PPP4R3A: variants seen among roughly 807,000 people sequenced by gnomAD.
The protein encoded by PPP4R3A is serine/threonine-protein phosphatase 4 regulatory subunit 3A.
A neutral mutation model predicts 91.7 loss-of-function variants in PPP4R3A; 15 were observed. The ratio of observed to expected loss-of-function variants is 0.16; its 90% CI spans 0.11 to 0.25. The LOEUF (loss-of-function observed/expected upper bound fraction) is 0.25. PPP4R3A is among the 10% of genes least tolerant of loss of function. PPP4R3A has a pLI of 1.00. For synonymous variants in PPP4R3A, 377 were observed against 348.7 expected, an observed-to-expected ratio of 1.08 and a Z score of -0.91; for missense variants, 623 against 998.4, an observed-to-expected ratio of 0.62 and a Z score of 5.07.
In PPP4R3A at chr14:91,481,564, G is replaced by A; in HGVS notation, c.915+12C>T. ...TCTCTTGAAATATGAAAAAAGGAAT[G>A]ATCTAACTCACCTGCAACATGCCAA... On this transcript the variant is annotated intron_variant, in intron 4 of 14. Coordinates refer to ENST00000554943, the MANE Select transcript of PPP4R3A (RefSeq NM_001366432.2). The A allele has an allele frequency of 1.3e-6, 2 of 1,529,026 alleles. No homozygotes were observed. Among genetic ancestry groups the A allele is most frequent in the Non-Finnish European group, 1.7e-6 (2 of 1,143,844 alleles). 94.7% of individuals were successfully genotyped at this position (1,529,026 alleles called of 1,614,324 possible).
intron 1 of PPP4R3A, among the ~76,000 whole-genome samples, chr14:91,494,011 G>A (rs549891501): frequency 2.0e-5 from 3 of 150,842 alleles, no homozygotes; most frequent in East Asian, 1.9e-4. Flanking sequence ...TAATCTGCCC[G>A]CCTCGGCAGG....
At chr14:91,507,390 T>A (rs1393816330) in intron 1 of PPP4R3A, among the ~76,000 whole-genome samples, 1 of 52,612 alleles carries the variant, frequency 1.9e-5, no homozygotes, top group Non-Finnish European at 4.7e-5. Context: ...TACTATATAG[T>A]ATATGTACTA....
At position 91,509,573 on chromosome 14, in the gene PPP4R3A, C is replaced by G. The variant is rs971319097; in HGVS notation, c.75G>C (p.Gly25=). 2.4e-5 allele frequency: 38 copies of G among 1,602,198 alleles called. No homozygotes were observed. The highest frequency in any genetic ancestry group is 4.0e-5 in the African/African-American group (3 of 74,882). ...EDRQWDDRGT[G]HVSSGYVERL... ...GCTCCACGTAGCCAGACGACACATG[C>G]CCGGTGCCCCGGTCGTCCCACTGCC... Residue 25 remains glycine, a synonymous_variant, in exon 1 of 15, where the codon GGG becomes GGC. Transcript: ENST00000554943.
rs747223040 is a variant in PPP4R3A at position 91,457,916 on chromosome 14, A to ATACC, written c.*839_*842dup. On this transcript the variant is annotated 3_prime_UTR_variant, in exon 15 of 15. Transcript: ENST00000554943. ...TACTTTGCTTTTGTCAATAAAAACT[A>ATACC]TACCATCTTTCATAAAACTCTAAAC... is the stretch of plus-strand genomic sequence containing the variant. 43 of 152,624 alleles carry ATACC rather than the reference A, an allele frequency of 2.8e-4. No homozygotes were observed. Among genetic ancestry groups the ATACC allele is most frequent in the Non-Finnish European group, 3.8e-4 (26 of 68,020 alleles). The allele number at this position is 152,624 out of a possible 1,614,324, so 9.5% of individuals were successfully genotyped here. A position where few individuals can be genotyped will look rare whatever the true frequency, so the allele number is the denominator to read the frequency against.
Position 91,501,634 on chromosome 14 carries a change from G to T in PPP4R3A, c.142+7872C>A, listed in dbSNP as rs570621740. ...TCACTGCACTCCAGCCTGGACAAAA[G>T]AGTGAGATCCCGCCTCAAAAAAAGA... On this transcript the variant is annotated intron_variant, in intron 1 of 14. Coordinates refer to ENST00000554943, the MANE Select transcript of PPP4R3A (RefSeq NM_001366432.2). Among the ~76,000 whole-genome samples, 3 of 151,848 alleles carry T rather than the reference G, an allele frequency of 2.0e-5. No homozygotes were observed. The East Asian group carries it at 5.8e-4, about 29-fold the overall frequency.
At chr14:91,504,637 C>T (rs1239034804) in intron 1 of PPP4R3A, among the ~76,000 whole-genome samples, 1 of 151,710 alleles carries the variant, frequency 6.6e-6, no homozygotes, top group Non-Finnish European at 1.5e-5. Context: ...ACAAAAGGGA[C>T]GTGTTCTTAC....
intron 14 of PPP4R3A, among the ~76,000 whole-genome samples, chr14:91,460,156 C>A (rs912083926): frequency 3.9e-5 from 6 of 152,004 alleles, no homozygotes; most frequent in African/African-American, 1.4e-4. Flanking sequence ...AGACTACAGG[C>A]GCCCGCCACC....
rs138901512 is a variant in PPP4R3A, at chr14:91,495,668, A to G, written c.143-4866T>C. ...TGAATTGTACATTTTGAATTGGTGA[A>G]TTATATAGTATGTAAATACTGTTAA... On this transcript the variant is annotated intron_variant, in intron 1 of 14. Coordinates refer to ENST00000554943, the MANE Select transcript of PPP4R3A (RefSeq NM_001366432.2). Among the ~76,000 whole-genome samples the G allele has an allele frequency of 4.9e-4, 74 of 152,098 alleles. No individual in the cohort carries two copies. In the East Asian group the frequency reaches 0.011, roughly 23 times the overall value.
intron 1 of PPP4R3A, among the ~76,000 whole-genome samples, chr14:91,499,820 CAA>C (rs3993928): frequency 0.17 from 20,904 of 120,022 alleles, 1,720 homozygotes; most frequent in Non-Finnish European, 0.24. Context: ...GACTCCACCT[CAA>C]AAAAAAAAAA....
chr14:91,459,075 G>A (rs534983695), intron 14 of PPP4R3A, among the ~76,000 whole-genome samples: 9 of 152,020 alleles, frequency 5.9e-5, no homozygotes, highest in Middle Eastern at 3.4e-3. Flanking sequence ...TTTACAATAA[G>A]GGAAAACTTT....
At chr14:91,509,476 G>A (rs772981656) in intron 1 of PPP4R3A, 30 bp downstream of exon 1, 6 of 1,563,736 alleles carry the variant, frequency 3.8e-6, no homozygotes, top group South Asian at 1.2e-5. Flanking sequence ...TGGGGGCTGC[G>A]AGGGTCCCGC....
chr14:91,486,761 AAT>A (rs1005465502), intron 2 of PPP4R3A, among the ~76,000 whole-genome samples: 2 of 151,648 alleles, frequency 1.3e-5, no homozygotes, highest in African/African-American at 4.8e-5. Context: ...AAAATACAAA[AAT>A]TAGCCGGGCA....
Position 91,481,558 on chromosome 14 carries a change from A to G in PPP4R3A, c.915+18T>C. The G allele has an allele frequency of 6.6e-7, 1 of 1,514,716 alleles. No individual in the cohort carries two copies. Among genetic ancestry groups the G allele is most frequent in the Non-Finnish European group, 8.8e-7 (1 of 1,136,644 alleles). The allele number at this position is 1,514,716 out of a possible 1,614,324, so 93.8% of individuals were successfully genotyped here. ...GCTGCATCTCTTGAAATATGAAAAAAGGAATGATCTAACTCACCTGCAACA... is the reference window on the plus strand; with the variant it reads ...GCTGCATCTCTTGAAATATGAAAAAGGGAATGATCTAACTCACCTGCAACA... On this transcript the variant is annotated intron_variant, in intron 4 of 14. Transcript: ENST00000554943.
intron 1 of PPP4R3A, among the ~76,000 whole-genome samples, chr14:91,505,599 CTTGAAAAGTG>C (rs1366331160): frequency 6.6e-6 from 1 of 152,058 alleles, no homozygotes. Flanking sequence ...ACAATAAATA[CTTGAAAAGTG>C]TTAAGAATCA....
intron 14 of PPP4R3A, among the ~76,000 whole-genome samples, chr14:91,460,060 G>A (rs1183503216): frequency 1.3e-5 from 2 of 151,938 alleles, no homozygotes; most frequent in Non-Finnish European, 2.9e-5. Context: ...CGCCCAGGCT[G>A]GAGTGCAGTG....
intron 1 of PPP4R3A, among the ~76,000 whole-genome samples, chr14:91,504,278 T>C (rs1207596307): frequency 6.7e-6 from 1 of 148,684 alleles, no homozygotes; most frequent in African/African-American, 2.5e-5. Context: ...CAGTGAGCTA[T>C]GATCCTGCCA....
intron 10 of PPP4R3A, among the ~76,000 whole-genome samples, chr14:91,465,621 T>C (rs908070354): frequency 6.6e-6 from 1 of 152,182 alleles, no homozygotes; most frequent in South Asian, 2.1e-4. Context: ...AAAAGTAGTA[T>C]ATGTCATCAT....
chr14:91,469,172 T>C (rs997195503), intron 10 of PPP4R3A, among the ~76,000 whole-genome samples: 1 of 144,276 alleles, frequency 6.9e-6, no homozygotes, highest in African/African-American at 2.6e-5. Flanking sequence ...AGGATATAAA[T>C]AACTCCCACA....
In PPP4R3A at chr14:91,458,679, C is replaced by G. The variant is rs1887920008; in HGVS notation, c.*80G>C. ...CAGTCATTCACAAGAGACCACTGCGCTTTGTTGTGGATTTTGTATGGGGGA... is the reference window on the plus strand; with the variant it reads ...CAGTCATTCACAAGAGACCACTGCGGTTTGTTGTGGATTTTGTATGGGGGA... On this transcript the variant is annotated 3_prime_UTR_variant, in exon 15 of 15. Coordinates refer to ENST00000554943, the MANE Select transcript of PPP4R3A (RefSeq NM_001366432.2). The G allele has an allele frequency of 6.2e-7, 1 of 1,605,194 alleles. No homozygotes were observed. The highest frequency in any genetic ancestry group is 8.5e-7 in the Non-Finnish European group (1 of 1,172,552).
Sources: gnomAD v4.1 joint callset for allele counts (sites outside exome capture counted in the v4.1 genomes callset) on GRCh38, gnomAD v4.1.1 for gene constraint, MANE v1.5 for transcripts, NCBI Gene and HGNC (gene_info 2026-07-23, HGNC 2026-07-21) for gene names.